Variants in RIT2 observed in about 807,000 individuals in gnomAD.
RIT2 encodes GTP-binding protein Rit2.
RIT2 carries 24 observed loss-of-function variants against 23.7 expected under a neutral mutation model. The ratio of observed to expected loss-of-function variants is 1.01; its 90% CI spans 0.73 to 1.43. The LOEUF is 1.43. RIT2 is among the 40% of genes most tolerant of loss of function. The pLI is 0.00. For synonymous variants in RIT2, 107 were observed against 91.1 expected (o/e 1.17, Z -0.99); for missense variants, 236 against 266.9 (o/e 0.88, Z 0.81).
At chr18:42,841,260 T>C (rs1021092495) in intron 4 of RIT2, among the ~76,000 whole-genome samples, 1 of 152,228 alleles carries the variant, frequency 6.6e-6, no homozygotes, top group Non-Finnish European at 1.5e-5. Flanking sequence ...TCCAATCTCT[T>C]GTATACCACA....
intron 1 of RIT2, among the ~76,000 whole-genome samples, chr18:43,058,289 A>C (rs1819164725): frequency 6.6e-6 from 1 of 152,156 alleles, no homozygotes; most frequent in African/African-American, 2.4e-5. Flanking sequence ...GTAAGTGACT[A>C]GCATGAGAAG....
At position 42,936,926 on chromosome 18, in the gene RIT2, C is replaced by T. The variant is rs1944406; in HGVS notation, c.235-13163G>A. On this transcript the variant is annotated intron_variant, in intron 3 of 4. Transcript: ENST00000326695. ...ACTCAGGAAACTGAGGCAGGGGAAT[C>T]GCTTGAACCTGGGAGGCAGAGCTTG... is the stretch of plus-strand genomic sequence containing the variant. 2.2e-3 allele frequency among the ~76,000 whole-genome samples: 327 copies of T among 151,662 alleles called. 1 individual carries two copies. The highest frequency in any genetic ancestry group is 7.5e-3 in the African/African-American group (309 of 41,324).
At chr18:43,110,566 T>C (rs1413809634) in intron 1 of RIT2, among the ~76,000 whole-genome samples, 1 of 151,988 alleles carries the variant, frequency 6.6e-6, no homozygotes, top group African/African-American at 2.4e-5. Flanking sequence ...AACCATGAGA[T>C]TATTTTTATT....
chr18:42,870,253 G>C (rs1455753329), intron 4 of RIT2, among the ~76,000 whole-genome samples: 1 of 152,142 alleles, frequency 6.6e-6, no homozygotes, highest in African/African-American at 2.4e-5. Flanking sequence ...GTTATCTTCT[G>C]AGGCTGTTGT....
chr18:43,041,476 C>T (rs1242715409), intron 1 of RIT2, among the ~76,000 whole-genome samples: 1 of 152,018 alleles, frequency 6.6e-6, no homozygotes, highest in Non-Finnish European at 1.5e-5. Flanking sequence ...ATCAAAGACC[C>T]TTTTTCTTTA....
At chr18:43,063,072 A>G (rs928250330) in intron 1 of RIT2, among the ~76,000 whole-genome samples, 2 of 152,182 alleles carry the variant, frequency 1.3e-5, no homozygotes, top group South Asian at 4.1e-4. Flanking sequence ...GAAGTTCACA[A>G]CAGAACAGAT....
intron 4 of RIT2, among the ~76,000 whole-genome samples, chr18:42,778,966 CTT>C (rs1167648337): frequency 6.6e-6 from 1 of 152,130 alleles, no homozygotes; most frequent in Non-Finnish European, 1.5e-5. Context: ...ACTATGAACT[CTT>C]TTCGATTTCC....
intron 4 of RIT2, among the ~76,000 whole-genome samples, chr18:42,764,664 G>A (rs1913379160): frequency 6.6e-6 from 1 of 152,106 alleles, no homozygotes; most frequent in African/African-American, 2.4e-5. Context: ...AAACTATCAA[G>A]TTCACCTTTT....
At chr18:42,769,013 G>A (rs1413652048) in intron 4 of RIT2, among the ~76,000 whole-genome samples, 2 of 152,142 alleles carry the variant, frequency 1.3e-5, no homozygotes, top group Non-Finnish European at 2.9e-5. Flanking sequence ...TCCAAATGCT[G>A]GTTGTGTGAT....
intron 4 of RIT2, among the ~76,000 whole-genome samples, chr18:42,873,200 A>G (rs1289827490): frequency 6.6e-6 from 1 of 152,178 alleles, no homozygotes; most frequent in African/African-American, 2.4e-5. Flanking sequence ...TAAGATCTCC[A>G]TTATATCCAA....
At chr18:42,754,714 C>A (rs1484649737) in intron 4 of RIT2, among the ~76,000 whole-genome samples, 1 of 152,186 alleles carries the variant, frequency 6.6e-6, no homozygotes, top group Non-Finnish European at 1.5e-5. Flanking sequence ...TTGTGCCACA[C>A]AATAAGCAAG....
chr18:42,875,522 T>TTAC (rs1907723647), intron 4 of RIT2, among the ~76,000 whole-genome samples: 1 of 152,036 alleles, frequency 6.6e-6, no homozygotes, highest in African/African-American at 2.4e-5. Context: ...AGATGCTTGG[T>TTAC]GGTATGCAGG....
In RIT2 at chr18:43,021,549, G is replaced by A. The variant is rs866335530; in HGVS notation, c.160+12262C>T. ...CTTGGAGAGAGGTGATTTGATCATGGGGGTGGTTTCTCATGAATGGTTTAG... is the reference window on the plus strand; with the variant it reads ...CTTGGAGAGAGGTGATTTGATCATGAGGGTGGTTTCTCATGAATGGTTTAG... On this transcript the variant is annotated intron_variant, in intron 2 of 4. Coordinates refer to ENST00000326695, the MANE Select transcript of RIT2 (RefSeq NM_002930.4). 1.2e-4 allele frequency among the ~76,000 whole-genome samples: 18 copies of A among 152,192 alleles called. 1 individual carries two copies. Among genetic ancestry groups the A allele is most frequent in the Middle Eastern group, 3.4e-3 (1 of 294 alleles).
chr18:43,102,856 G>T (rs2144240548), intron 1 of RIT2, among the ~76,000 whole-genome samples: 1 of 152,124 alleles, frequency 6.6e-6, no homozygotes, highest in Non-Finnish European at 1.5e-5. Context: ...GCTTCACCAT[G>T]TTGGCCAGGC....
chr18:42,817,608 A>T (rs1300499609), intron 4 of RIT2, among the ~76,000 whole-genome samples: 1 of 152,058 alleles, frequency 6.6e-6, no homozygotes, highest in Non-Finnish European at 1.5e-5. Context: ...TGAATTTTTG[A>T]TGAGTGTCGC....
chr18:43,076,960 G>A (rs1377169116), intron 1 of RIT2, among the ~76,000 whole-genome samples: 1 of 150,776 alleles, frequency 6.6e-6, no homozygotes, highest in Non-Finnish European at 1.5e-5. Flanking sequence ...AAAATTAGCC[G>A]GCCGTAGTGG....
chr18:42,804,790 C>G (rs147454702), intron 4 of RIT2, among the ~76,000 whole-genome samples: 92 of 152,146 alleles, frequency 6.0e-4, no homozygotes, highest in African/African-American at 2.1e-3. Context: ...AACTAATAAC[C>G]TCTGATTCCT....
chr18:42,764,846 C>T (rs1913383841), intron 4 of RIT2, among the ~76,000 whole-genome samples: 1 of 152,156 alleles, frequency 6.6e-6, no homozygotes, highest in African/African-American at 2.4e-5. Flanking sequence ...ATAATTAAAA[C>T]AAAAGTTTGC....
At chr18:42,753,017 G>A (rs993617299) in intron 4 of RIT2, among the ~76,000 whole-genome samples, 22 of 152,284 alleles carry the variant, frequency 1.4e-4, no homozygotes, top group Admixed American at 1.2e-3. Context: ...AGATCACCGT[G>A]TAATATGCCA....
Sources: allele counts gnomAD v4.1 joint callset (sites outside exome capture counted in the v4.1 genomes callset), GRCh38; gene constraint gnomAD v4.1.1; transcripts MANE v1.5; gene names NCBI Gene and HGNC (gene_info 2026-07-23, HGNC 2026-07-21).